The following CELF2 variants were observed in gnomAD, a reference collection of about 807,000 sequenced individuals.
The protein encoded by CELF2 is CUGBP Elav-like family member 2.
In CELF2, 8 loss-of-function variants were observed where a neutral mutation model predicts 62.6. The observed-to-expected ratio is 0.13, with a 90% CI of 0.07 to 0.23. CELF2 has a LOEUF of 0.23. Among genes scored for constraint, CELF2 ranks in the 10% least tolerant of loss-of-function variants. The probability of loss-of-function intolerance (pLI) is 1.00; values close to 1 mark genes in which losing one functional copy is unlikely to be tolerated. For missense variants in CELF2, 333 were observed against 671.0 expected (o/e 0.50, Z 5.56); for synonymous variants, 258 against 250.0 (o/e 1.03, Z -0.30).
the CELF2 span, among the ~76,000 whole-genome samples, chr10:10,582,174 C>T: frequency 4.6e-5 from 7 of 152,266 alleles, no homozygotes; most frequent in East Asian, 3.9e-4. Context: ...TCCACTTGAC[C>T]GAATTTTCCT....
At chr10:11,052,848 A>C (rs1351231951) in intron 1 of CELF2, among the ~76,000 whole-genome samples, 1 of 152,208 alleles carries the variant, frequency 6.6e-6, no homozygotes, top group Admixed American at 6.5e-5. Flanking sequence ...GGAACCAGTA[A>C]ATCATGTAGT....
At chr10:11,185,563 C>A (rs540596791) in intron 2 of CELF2, among the ~76,000 whole-genome samples, 34 of 152,202 alleles carry the variant, frequency 2.2e-4, no homozygotes, top group African/African-American at 7.7e-4. Context: ...TACAGCCACG[C>A]GCCAACATGC....
At chr10:11,152,050 C>T (rs1287415392) in intron 1 of CELF2, among the ~76,000 whole-genome samples, 5 of 152,192 alleles carry the variant, frequency 3.3e-5, no homozygotes, top group Non-Finnish European at 5.9e-5. Context: ...AGTCCTGACC[C>T]TAGCACCATG....
the CELF2 span, among the ~76,000 whole-genome samples, chr10:10,565,920 G>A: frequency 5.9e-5 from 9 of 152,280 alleles, no homozygotes; most frequent in Admixed American, 2.0e-4. Context: ...GGAGGTTGCC[G>A]TACTTGACTT....
chr10:11,017,637 T>A (rs895689802), upstream of CELF2, among the ~76,000 whole-genome samples: 3 of 151,996 alleles, frequency 2.0e-5, no homozygotes, highest in Non-Finnish European at 2.9e-5. This position sits in a 1 kb window ranked among gnomAD's most constrained non-coding sequence, Gnocchi z 5.5. Context: ...CTAAACCTAC[T>A]CCGAGCGGCC....
the CELF2 span, among the ~76,000 whole-genome samples, chr10:10,628,546 T>C: frequency 1.3e-5 from 2 of 152,170 alleles, no homozygotes; most frequent in Non-Finnish European, 2.9e-5. Context: ...GGGTCAAAAG[T>C]GGCTGCAAGT....
chr10:10,733,424 G>A, the CELF2 span, among the ~76,000 whole-genome samples: 46 of 152,206 alleles, frequency 3.0e-4, no homozygotes, highest in Admixed American at 1.9e-3. Context: ...CAAGTGTGCC[G>A]GAGGAGGTAG....
At chr10:11,181,537 C>T (rs949927010) in intron 2 of CELF2, among the ~76,000 whole-genome samples, 2 of 152,202 alleles carry the variant, frequency 1.3e-5, no homozygotes, top group Non-Finnish European at 2.9e-5. Context: ...CTGATGGTTT[C>T]TGTTGTGGCC....
chr10:11,268,848 A>G lies in CELF2; in HGVS notation c.619-1818A>G, dbSNP rs1021979568. Among the ~76,000 whole-genome samples, 2 of 152,292 alleles carry G rather than the reference A, an allele frequency of 1.3e-5. No homozygotes were observed. Among genetic ancestry groups the G allele is most frequent in the Admixed American group, 1.3e-4 (2 of 15,302 alleles). Reference sequence around the variant, plus strand: ...ACCAAGATGTATTACCTAATTCACAATGATGTGAATGTTGAAAGAACAAGG... The same window carrying G: ...ACCAAGATGTATTACCTAATTCACAGTGATGTGAATGTTGAAAGAACAAGG... On this transcript the variant is annotated intron_variant, in intron 6 of 12. Transcript: ENST00000633077. This position sits in a 1 kb window ranked among gnomAD's most constrained non-coding sequence, Gnocchi z 4.7.
the CELF2 span, among the ~76,000 whole-genome samples, chr10:10,536,607 G>C: frequency 0.41 from 62,855 of 152,054 alleles, 13,701 homozygotes; most frequent in South Asian, 0.54. Context: ...TTTCTGGTTT[G>C]ACTCTTGGCC....
chr10:10,514,614 G>A, the CELF2 span, among the ~76,000 whole-genome samples: 432 of 152,266 alleles, frequency 2.8e-3, 1 homozygote, highest in Admixed American at 4.4e-3. Context: ...GAGAGAATGG[G>A]ATTCAGACGT....
the CELF2 span, among the ~76,000 whole-genome samples, chr10:10,603,137 G>A: frequency 3.3e-5 from 5 of 149,646 alleles, no homozygotes; most frequent in South Asian, 2.3e-4. Flanking sequence ...TATTTCTAAC[G>A]AAAAGAAGAG....
chr10:10,820,443 A>C (rs1484532599), intron 1 of CELF2, among the ~76,000 whole-genome samples: 1 of 152,130 alleles, frequency 6.6e-6, no homozygotes, highest in Non-Finnish European at 1.5e-5. Context: ...GACTTATTCC[A>C]TCTGTTTTTA....
At chr10:10,976,856 C>G (rs377066439) in intron 2 of CELF2, among the ~76,000 whole-genome samples, 29 of 152,180 alleles carry the variant, frequency 1.9e-4, no homozygotes, top group African/African-American at 6.8e-4. Flanking sequence ...CTGGGCATCT[C>G]TCTTGTCCCC....
chr10:11,185,834 A>T (rs2074721358), intron 2 of CELF2, among the ~76,000 whole-genome samples: 1 of 152,194 alleles, frequency 6.6e-6, no homozygotes, highest in South Asian at 2.1e-4. Flanking sequence ...TTTTGGTATA[A>T]TGGCAATCCT....
intron 1 of CELF2, among the ~76,000 whole-genome samples, chr10:10,915,640 G>T (rs759432653): frequency 6.6e-6 from 1 of 152,094 alleles, no homozygotes. Flanking sequence ...TTGCTATGTG[G>T]CCTAGACTGG....
chr10:11,322,140 G>A (rs961941584), intron 11 of CELF2, among the ~76,000 whole-genome samples: 3 of 152,216 alleles, frequency 2.0e-5, no homozygotes, highest in African/African-American at 7.2e-5. Flanking sequence ...TTCTGTGGGT[G>A]AAACGCTCTC....
chr10:10,643,514 T>G, the CELF2 span, among the ~76,000 whole-genome samples: 83 of 152,306 alleles, frequency 5.4e-4, no homozygotes, highest in Non-Finnish European at 1.0e-3. Flanking sequence ...CTCTTTCCTT[T>G]ATAAATTACC....
At chr10:10,495,985 T>C in the CELF2 span, among the ~76,000 whole-genome samples, 1 of 152,258 alleles carries the variant, frequency 6.6e-6, no homozygotes, top group African/African-American at 2.4e-5. Context: ...TTTATTATAA[T>C]GTAAGTAGTA....
Sources: allele counts gnomAD v4.1 joint callset (sites outside exome capture counted in the v4.1 genomes callset), GRCh38; gene constraint gnomAD v4.1.1; non-coding constraint Gnocchi (gnomAD v3.1); transcripts MANE v1.5; gene names NCBI Gene and HGNC (gene_info 2026-07-23, HGNC 2026-07-21).